HDAC4: variants seen among roughly 807,000 people sequenced by gnomAD.
HDAC4 encodes the protein histone deacetylase A.
HDAC4 carries 16 observed loss-of-function variants against 135.1 expected under a neutral mutation model. That is an observed-to-expected ratio of 0.12 (90% CI 0.08 to 0.18). HDAC4 has a LOEUF of 0.18. HDAC4 is among the 10% of genes least tolerant of loss of function. HDAC4 has a pLI of 1.00. For missense variants in HDAC4, 1,143 were observed against 1,511.8 expected (o/e 0.76, Z 4.05); for synonymous variants, 685 against 653.4 (o/e 1.05, Z -0.74).
At chr2:239,165,574 C>T (rs980064419) in intron 5 of HDAC4, among the ~76,000 whole-genome samples, 1 of 152,158 alleles carries the variant, frequency 6.6e-6, no homozygotes, top group Admixed American at 6.5e-5. Context: ...TATATGCCAG[C>T]CCTGGCCTGG....
In HDAC4 at chr2:239,075,207, G is replaced by C. The variant is rs551231652; in HGVS notation, c.2750+5888C>G. Among the ~76,000 whole-genome samples, 49 of 98,666 alleles carry C rather than the reference G, an allele frequency of 5.0e-4. 1 individual carries two copies. The highest frequency in any genetic ancestry group is 1.9e-3 in the African/African-American group (48 of 24,940). The allele number at this position is 98,666 out of a possible 152,430, so 64.7% of individuals were successfully genotyped here. A position where few individuals can be genotyped will look rare whatever the true frequency, so the allele number is the denominator to read the frequency against. On this transcript the variant is annotated intron_variant, in intron 22 of 26. Transcript: ENST00000543185. ...CCACTGCACTCCAGCCTGGGCGACA[G>C]AATGAGACTCCGTCTCAAAAAAAAA...
rs1311640208 is a variant in HDAC4, at chr2:239,349,548, G to A, written c.22+3130C>T. Among the ~76,000 whole-genome samples the A allele has an allele frequency of 6.6e-6, 1 of 152,224 alleles. No individual in the cohort carries two copies. Among genetic ancestry groups the A allele is most frequent in the East Asian group, 1.9e-4 (1 of 5,176 alleles). On this transcript the variant is annotated intron_variant, in intron 2 of 26. Transcript: ENST00000543185. This position sits in a 1 kb window ranked among gnomAD's most constrained non-coding sequence, Gnocchi z 5.7. ...GAAACTAGAGATCTCTGGGGATGGAGCTGCTTGGGAAGGCACACAAGCGAG... is the reference window on the plus strand; with the variant it reads ...GAAACTAGAGATCTCTGGGGATGGAACTGCTTGGGAAGGCACACAAGCGAG...
At chr2:239,182,366 A>T (rs1411781448) in intron 4 of HDAC4, among the ~76,000 whole-genome samples, 1 of 152,238 alleles carries the variant, frequency 6.6e-6, no homozygotes, top group Non-Finnish European at 1.5e-5. Context: ...GGACAGATGC[A>T]GCCTAATGCA....
intron 4 of HDAC4, among the ~76,000 whole-genome samples, chr2:239,189,220 T>C (rs964547006): frequency 5.3e-5 from 8 of 152,242 alleles, no homozygotes; most frequent in African/African-American, 1.7e-4. Flanking sequence ...TGACAGCATA[T>C]TATAATCACA....
intron 7 of HDAC4, among the ~76,000 whole-genome samples, chr2:239,147,842 C>T (rs2041863512): frequency 1.3e-5 from 2 of 152,234 alleles, no homozygotes; most frequent in African/African-American, 2.4e-5. Context: ...TAAAATTCAA[C>T]GCAGTGCCCA....
intron 2 of HDAC4, among the ~76,000 whole-genome samples, chr2:239,334,534 A>T (rs537284068): frequency 5.3e-5 from 8 of 151,678 alleles, no homozygotes; most frequent in South Asian, 2.1e-4. Context: ...ACAAACAAAT[A>T]AAAAAAAACT....
chr2:239,123,699 C>T (rs1211534095), intron 12 of HDAC4, among the ~76,000 whole-genome samples: 1 of 152,186 alleles, frequency 6.6e-6, no homozygotes, highest in Non-Finnish European at 1.5e-5. Context: ...TGGGCTGGAA[C>T]TGTGGGGCTT....
rs140010896 is a variant in HDAC4 at position 239,080,228 on chromosome 2, C to T, written c.2750+867G>A. On this transcript the variant is annotated intron_variant, in intron 22 of 26. Transcript: ENST00000543185. ...TCACAAAGACACGTCTGCACACGTG[C>T]GTTTTATATGTATGTAAATCAGAAC... is the stretch of plus-strand genomic sequence containing the variant. Among the ~76,000 whole-genome samples the T allele has an allele frequency of 1.8e-4, 28 of 152,274 alleles. No homozygotes were observed. The East Asian group carries it at 4.2e-3, about 23-fold the overall frequency.
chr2:239,375,825 C>T (rs1169101960), intron 1 of HDAC4, among the ~76,000 whole-genome samples: 2 of 152,190 alleles, frequency 1.3e-5, no homozygotes, highest in Non-Finnish European at 2.9e-5. Context: ...AGTGAGTGCC[C>T]CCGACTGCAG....
intron 2 of HDAC4, among the ~76,000 whole-genome samples, chr2:239,301,355 TA>T (rs1285745991): frequency 6.6e-6 from 1 of 152,050 alleles, no homozygotes; most frequent in African/African-American, 2.4e-5. Flanking sequence ...GCTCTCAAAG[TA>T]ACAGCTCCAG....
At chr2:239,094,586 G>C (rs2036824172) in intron 17 of HDAC4, 4 of 1,132,582 alleles carry the variant, frequency 3.5e-6, no homozygotes, top group Non-Finnish European at 4.4e-6. Context: ...TGGCCCATGA[G>C]TATCACGGTC....
At chr2:239,387,305 G>A (rs528640363) in intron 1 of HDAC4, among the ~76,000 whole-genome samples, 2 of 152,338 alleles carry the variant, frequency 1.3e-5, no homozygotes, top group African/African-American at 4.8e-5. Context: ...AGAGTGGCCA[G>A]AAGATCCCCC....
chr2:239,082,596 G>A (rs773868148), intron 20 of HDAC4, among the ~76,000 whole-genome samples: 34 of 152,230 alleles, frequency 2.2e-4, no homozygotes, highest in Non-Finnish European at 4.4e-4. Context: ...TCTGACAAGT[G>A]AGCCACTTCC....
intron 24 of HDAC4, among the ~76,000 whole-genome samples, chr2:239,056,757 C>T (rs962913778): frequency 2.0e-5 from 3 of 152,194 alleles, no homozygotes; most frequent in African/African-American, 7.2e-5. Context: ...GCGGTAAAAG[C>T]GTAACCCGAT....
At chr2:239,062,546 T>G (rs2032909898) in intron 24 of HDAC4, among the ~76,000 whole-genome samples, 1 of 152,254 alleles carries the variant, frequency 6.6e-6, no homozygotes, top group Non-Finnish European at 1.5e-5. Flanking sequence ...CAAACACGCA[T>G]CAGGAAGCAA....
chr2:239,350,637 G>A (rs1279268631), intron 2 of HDAC4, among the ~76,000 whole-genome samples: 1 of 152,044 alleles, frequency 6.6e-6, no homozygotes, highest in Non-Finnish European at 1.5e-5. Context: ...CTGGGTAGCT[G>A]GGACTACAGG....
At chr2:239,109,403 C>T (rs865803338) in intron 14 of HDAC4, among the ~76,000 whole-genome samples, 1 of 152,188 alleles carries the variant, frequency 6.6e-6, no homozygotes, top group East Asian at 1.9e-4. Flanking sequence ...TTACTGGGAA[C>T]ACAGGCAGCA....
At chr2:239,087,959 C>T (rs552141463) in intron 18 of HDAC4, among the ~76,000 whole-genome samples, 8 of 152,312 alleles carry the variant, frequency 5.3e-5, no homozygotes, top group South Asian at 2.1e-4. Flanking sequence ...GCTCACTCCC[C>T]GTCGGCTCGG....
intron 14 of HDAC4, among the ~76,000 whole-genome samples, chr2:239,111,093 G>GC (rs1473860728): frequency 1.3e-5 from 2 of 152,370 alleles, no homozygotes; most frequent in South Asian, 4.1e-4. Context: ...TGTAATCACA[G>GC]CCCCCCGCCA....
Sources: gnomAD v4.1 joint callset for allele counts (sites outside exome capture counted in the v4.1 genomes callset) on GRCh38, gnomAD v4.1.1 for gene constraint, Gnocchi (gnomAD v3.1) non-coding constraint, MANE v1.5 for transcripts, NCBI Gene and HGNC (gene_info 2026-07-23, HGNC 2026-07-21) for gene names.